Variants in SLC1A2 observed in about 807,000 individuals in gnomAD.
SLC1A2 encodes solute carrier family 1 member 2.
A neutral mutation model predicts 48.8 loss-of-function variants in SLC1A2; 15 were observed. The ratio of observed to expected loss-of-function variants is 0.31; its 90% confidence interval spans 0.21 to 0.47. SLC1A2 has a LOEUF of 0.47. Among genes scored for constraint, SLC1A2 ranks in the 20% least tolerant of loss-of-function variants. The probability of loss-of-function intolerance (pLI) is 0.99; values close to 1 mark genes in which losing one functional copy is unlikely to be tolerated. For synonymous variants in SLC1A2, 279 were observed against 272.6 expected (o/e 1.02, Z -0.23); for missense variants, 502 against 730.5 (o/e 0.69, Z 3.61).
At chr11:35,310,240 C>A (rs947750652) in intron 4 of SLC1A2, among the ~76,000 whole-genome samples, 12 of 152,204 alleles carry the variant, frequency 7.9e-5, no homozygotes, top group African/African-American at 2.9e-4. Flanking sequence ...CACTCTCCCC[C>A]AATCTACTAC....
intron 1 of SLC1A2, among the ~76,000 whole-genome samples, chr11:35,415,607 CA>C (rs1434054610): frequency 6.6e-6 from 1 of 152,210 alleles, no homozygotes; most frequent in African/African-American, 2.4e-5. Flanking sequence ...AGGGGAGAAG[CA>C]AGAGGACAAT....
At chr11:35,342,174 A>G (rs926320598) in intron 1 of SLC1A2, among the ~76,000 whole-genome samples, 1 of 152,254 alleles carries the variant, frequency 6.6e-6, no homozygotes, top group Non-Finnish European at 1.5e-5. Context: ...TACGTTTAAA[A>G]TAATGCATAT....
At chr11:35,385,421 G>A (rs1005147240) in intron 1 of SLC1A2, among the ~76,000 whole-genome samples, 3 of 152,166 alleles carry the variant, frequency 2.0e-5, no homozygotes, top group Non-Finnish European at 2.9e-5. Context: ...TTTCCCCAAG[G>A]TCACACAGCT....
At chr11:35,386,026 C>T (rs1361974602) in intron 1 of SLC1A2, among the ~76,000 whole-genome samples, 1 of 152,098 alleles carries the variant, frequency 6.6e-6, no homozygotes, top group Admixed American at 6.5e-5. Context: ...ATTAGCCGGG[C>T]ATGGTGGCGG....
At chr11:35,277,737 C>A (rs1482077255) in intron 9 of SLC1A2, among the ~76,000 whole-genome samples, 10 of 152,002 alleles carry the variant, frequency 6.6e-5, no homozygotes, top group Admixed American at 5.2e-4. Context: ...ATGGGGAAAG[C>A]CAGCAGAACT....
intron 1 of SLC1A2, among the ~76,000 whole-genome samples, chr11:35,415,740 C>T (rs1590296431): frequency 7.6e-6 from 1 of 131,206 alleles, no homozygotes; most frequent in Admixed American, 7.7e-5. Flanking sequence ...AAGCCCAAGC[C>T]CTCATGGCTG....
In SLC1A2 at chr11:35,292,474, C is replaced by T; in HGVS notation, c.904G>A (p.Ala302Thr). 1 of 1,613,836 alleles carries T rather than the reference C, an allele frequency of 6.2e-7. No individual in the cohort carries two copies. ...IACLICGKII[A>T]IKDLEVVARQ... ...GCAACCACTTCTAAGTCCTTGATTG[C>T]AATGATCTTTCCACAGATCAGGCAG... Residue 302 changes from alanine to threonine, a missense_variant, in exon 7 of 11, where the codon GCA becomes ACA. Ala to Thr is a moderately conservative substitution (Grantham distance 58). Transcript: ENST00000278379.
intron 1 of SLC1A2, among the ~76,000 whole-genome samples, chr11:35,334,074 C>T (rs2134999218): frequency 6.6e-6 from 1 of 152,144 alleles, no homozygotes; most frequent in East Asian, 1.9e-4. Context: ...AACCTAGATC[C>T]CTGAGTGGCA....
At chr11:35,404,039 C>T (rs1427402281) in intron 1 of SLC1A2, among the ~76,000 whole-genome samples, 2 of 152,076 alleles carry the variant, frequency 1.3e-5, no homozygotes, top group African/African-American at 4.8e-5. Flanking sequence ...ACCAAAAACA[C>T]AACGTTTTCA....
chr11:35,404,978 A>T (rs1337061553), intron 1 of SLC1A2, among the ~76,000 whole-genome samples: 1 of 152,008 alleles, frequency 6.6e-6, no homozygotes, highest in Non-Finnish European at 1.5e-5. Context: ...CATAAGGATG[A>T]TGAGGATAGC....
chr11:35,332,218 G>A (rs1430621990), intron 1 of SLC1A2, among the ~76,000 whole-genome samples: 1 of 152,216 alleles, frequency 6.6e-6, no homozygotes, highest in African/African-American at 2.4e-5. Context: ...ACTTCCTGAA[G>A]TCATTCCAGC....
intron 8 of SLC1A2, chr11:35,285,847 C>T (rs952326375): frequency 2.2e-4 from 33 of 152,248 alleles, no homozygotes; most frequent in African/African-American, 7.9e-4. Context: ...TGAATACCTT[C>T]CTTATTTATA....
intron 9 of SLC1A2, chr11:35,280,349 G>T (rs2134683177): frequency 6.6e-6 from 1 of 152,306 alleles, no homozygotes; most frequent in South Asian, 2.1e-4. Context: ...TTTTAGTAGA[G>T]ATGGGGTCTC....
chr11:35,395,734 G>C (rs1854933230), intron 1 of SLC1A2, among the ~76,000 whole-genome samples: 1 of 144,360 alleles, frequency 6.9e-6, no homozygotes, highest in African/African-American at 2.6e-5. Context: ...GTGCAGGTTA[G>C]TTACATATGT....
intron 1 of SLC1A2, among the ~76,000 whole-genome samples, chr11:35,340,025 A>C (rs1852780018): frequency 6.6e-6 from 1 of 152,220 alleles, no homozygotes. Flanking sequence ...AAATGACCAA[A>C]ACCCCATTTC....
chr11:35,341,406 G>A (rs568454981), intron 1 of SLC1A2, among the ~76,000 whole-genome samples: 8 of 152,266 alleles, frequency 5.3e-5, no homozygotes, highest in African/African-American at 1.4e-4. Context: ...TGAAATAGTC[G>A]TATTCACGAA....
At chr11:35,343,909 G>C (rs560023667) in intron 1 of SLC1A2, among the ~76,000 whole-genome samples, 1 of 152,148 alleles carries the variant, frequency 6.6e-6, no homozygotes, top group East Asian at 1.9e-4. Flanking sequence ...CAAGCATTGT[G>C]AAATCCCTTG....
intron 1 of SLC1A2, among the ~76,000 whole-genome samples, chr11:35,350,145 G>T (rs1376784198): frequency 6.6e-6 from 1 of 152,204 alleles, no homozygotes; most frequent in Non-Finnish European, 1.5e-5. Context: ...GCCAGGAAAT[G>T]CCAGAGGCCC....
intron 4 of SLC1A2, among the ~76,000 whole-genome samples, chr11:35,310,492 C>T (rs1480818579): frequency 6.6e-6 from 1 of 152,208 alleles, no homozygotes; most frequent in African/African-American, 2.4e-5. Flanking sequence ...TAGGTCCATG[C>T]TACATGTTCC....
Sources: gnomAD v4.1 joint callset for allele counts (sites outside exome capture counted in the v4.1 genomes callset) on GRCh38, gnomAD v4.1.1 for gene constraint, MANE v1.5 for transcripts, NCBI Gene and HGNC (gene_info 2026-07-23, HGNC 2026-07-21) for gene names.